The following ZNF423 variants were observed in gnomAD, a reference collection of about 807,000 sequenced individuals.
The protein encoded by ZNF423 is zinc finger protein 423, also known as Ebf-associated zinc finger protein.
In ZNF423, 12 loss-of-function variants were observed where a neutral mutation model predicts 95.8. The observed-to-expected ratio is 0.13, with a 90% CI of 0.08 to 0.20. The LOEUF is 0.20. ZNF423 is among the 10% of genes least tolerant of loss of function. The pLI, the probability that ZNF423 is intolerant of heterozygous loss-of-function variation, is 1.00. For missense variants in ZNF423, 1,316 were observed against 1,737.1 expected, an observed-to-expected ratio of 0.76 and a Z score of 4.31; for synonymous variants, 749 against 711.9, an observed-to-expected ratio of 1.05 and a Z score of -0.83.
intron 3 of ZNF423, among the ~76,000 whole-genome samples, chr16:49,707,328 C>T (rs915602175): frequency 1.3e-4 from 20 of 152,100 alleles, no homozygotes; most frequent in Non-Finnish European, 1.5e-5. Flanking sequence ...CAGAAAAGAG[C>T]ATTTGTCAGG....
chr16:49,499,230 C>T (rs934222967), intron 7 of ZNF423, among the ~76,000 whole-genome samples: 2 of 152,238 alleles, frequency 1.3e-5, no homozygotes, highest in Admixed American at 1.3e-4. Flanking sequence ...GCAGAGGGAG[C>T]AGCAGCTCTT....
intron 1 of ZNF423, 125 bp from the exon 2 acceptor site, chr16:49,789,671 GA>G: frequency 4.7e-6 from 4 of 859,990 alleles, no homozygotes; most frequent in Non-Finnish European, 6.8e-6. Flanking sequence ...CACCAGGGGA[GA>G]GGGGGCAAAG....
intron 3 of ZNF423, among the ~76,000 whole-genome samples, chr16:49,701,604 C>T (rs759213237): frequency 1.3e-4 from 20 of 152,056 alleles, no homozygotes; most frequent in Non-Finnish European, 2.2e-4. Context: ...GAGAGGGGCA[C>T]GGCAGAGGTG....
chr16:49,787,585 A>G (rs954613023), intron 2 of ZNF423, among the ~76,000 whole-genome samples: 1 of 152,140 alleles, frequency 6.6e-6, no homozygotes, highest in East Asian at 1.9e-4. Flanking sequence ...CTGGCTGCCC[A>G]ACTATGGAAT....
rs144543957 is a variant in ZNF423, at chr16:49,599,859, T to G, written c.3601+26311A>C. On this transcript the variant is annotated intron_variant, in intron 5 of 7. Coordinates refer to ENST00000563137, the MANE Select transcript of ZNF423 (RefSeq NM_001379286.1). ...GAACAGTGATTGCCTTTGGTAGGGG[T>G]ACAGGGGTATCAGCTAGAAGGAAGC... Among the ~76,000 whole-genome samples the G allele has an allele frequency of 1.5e-3, 221 of 152,182 alleles. 1 individual carries two copies. The highest frequency in any genetic ancestry group is 4.8e-3 in the African/African-American group (200 of 41,526).
chr16:49,502,177 G>C (rs563170578), intron 7 of ZNF423, among the ~76,000 whole-genome samples: 2 of 152,172 alleles, frequency 1.3e-5, no homozygotes, highest in Non-Finnish European at 2.9e-5. Context: ...TGAGGGCCTC[G>C]AGAAGCCCCA....
chr16:49,594,504 A>G (rs933879117), intron 5 of ZNF423, among the ~76,000 whole-genome samples: 1 of 152,208 alleles, frequency 6.6e-6, no homozygotes, highest in African/African-American at 2.4e-5. Context: ...GTCACACCCA[A>G]CATACACACA....
chr16:49,810,965 G>C (rs1298815148), intron 1 of ZNF423, among the ~76,000 whole-genome samples: 2 of 152,152 alleles, frequency 1.3e-5, no homozygotes, highest in Non-Finnish European at 2.9e-5. Context: ...CAGGGTAATG[G>C]GGGGTCTTGA....
intron 5 of ZNF423, among the ~76,000 whole-genome samples, chr16:49,561,789 C>T (rs1010748456): frequency 6.6e-6 from 1 of 152,182 alleles, no homozygotes; most frequent in Non-Finnish European, 1.5e-5. Flanking sequence ...CCATGCAGCA[C>T]TTGCTGAAAA....
intron 1 of ZNF423, among the ~76,000 whole-genome samples, chr16:49,819,249 CA>C (rs34167954): frequency 3.5e-3 from 253 of 72,722 alleles, no homozygotes; most frequent in South Asian, 7.5e-3. Flanking sequence ...GATTCCGTCT[CA>C]AAAAAAAAAA....
chr16:49,733,535 C>CA (rs1357718060), intron 2 of ZNF423, among the ~76,000 whole-genome samples: 1 of 152,132 alleles, frequency 6.6e-6, no homozygotes, highest in African/African-American at 2.4e-5. Context: ...TTTTATAAGG[C>CA]AAAAACCCAT....
At chr16:49,809,777 T>C (rs1295933614) in intron 1 of ZNF423, among the ~76,000 whole-genome samples, 1 of 152,156 alleles carries the variant, frequency 6.6e-6, no homozygotes, top group Admixed American at 6.5e-5. Flanking sequence ...CCCTGAGGCA[T>C]CTGAAGCCTG....
intron 2 of ZNF423, chr16:49,780,439 G>C (rs2034192166): frequency 6.6e-6 from 1 of 152,350 alleles, no homozygotes; most frequent in East Asian, 1.9e-4. Context: ...AGGGGTCCGA[G>C]TCAGGGCTGC....
chr16:49,825,894 CTAA>C (rs1340657239), intron 1 of ZNF423, among the ~76,000 whole-genome samples: 8 of 152,170 alleles, frequency 5.3e-5, no homozygotes, highest in Non-Finnish European at 8.8e-5. Context: ...GAAGAATGTA[CTAA>C]TAATAAAATC....
rs535293908 is a variant in ZNF423 at position 49,601,439 on chromosome 16, G to A, written c.3601+24731C>T. 4.7e-4 allele frequency among the ~76,000 whole-genome samples: 71 copies of A among 152,336 alleles called. 1 individual carries two copies. In the South Asian group the frequency reaches 0.014, roughly 30 times the overall value. On this transcript the variant is annotated intron_variant, in intron 5 of 7. Transcript: ENST00000563137. ...CTCATTTGGGATCAATATTACTGTTGTTATTATCGTGTTAAAACTCTGAAA... is the reference window on the plus strand; with the variant it reads ...CTCATTTGGGATCAATATTACTGTTATTATTATCGTGTTAAAACTCTGAAA...
intron 5 of ZNF423, among the ~76,000 whole-genome samples, chr16:49,546,667 G>A (rs905628709): frequency 2.6e-5 from 4 of 152,176 alleles, no homozygotes; most frequent in African/African-American, 9.7e-5. Context: ...GTGGAAGCTC[G>A]AGATGTCATC....
intron 4 of ZNF423, among the ~76,000 whole-genome samples, chr16:49,633,543 C>A (rs1021437883): frequency 6.6e-6 from 1 of 152,218 alleles, no homozygotes; most frequent in Non-Finnish European, 1.5e-5. Context: ...ACCACTGCCA[C>A]TACCTCTGGC....
intron 3 of ZNF423, among the ~76,000 whole-genome samples, chr16:49,644,285 G>A (rs1348071075): frequency 6.6e-6 from 1 of 152,128 alleles, no homozygotes; most frequent in African/African-American, 2.4e-5. Context: ...TGAGTTTGGG[G>A]GGAAGATAGC....
chr16:49,585,627 G>A (rs545836629), intron 5 of ZNF423, among the ~76,000 whole-genome samples: 8 of 152,282 alleles, frequency 5.3e-5, no homozygotes, highest in East Asian at 3.9e-4. Flanking sequence ...TCTGCCTCTC[G>A]TTAGCAACAC....
Sources: gnomAD v4.1 joint callset for allele counts (sites outside exome capture counted in the v4.1 genomes callset) on GRCh38, gnomAD v4.1.1 for gene constraint, MANE v1.5 for transcripts, NCBI Gene and HGNC (gene_info 2026-07-23, HGNC 2026-07-21) for gene names.